The following ORC3 variants were observed in gnomAD, a reference collection of about 807,000 sequenced individuals.
ORC3 encodes homolog of latheo, Drosophila.
In ORC3, 78 loss-of-function variants were observed where a neutral mutation model predicts 100.7. The ratio of observed to expected loss-of-function variants is 0.77; its 90% CI spans 0.65 to 0.94. The LOEUF is 0.94. Ranked by LOEUF, ORC3 falls within the 40% of genes least tolerant of loss-of-function variation. The pLI is 0.00. For synonymous variants in ORC3, 295 were observed against 289.3 expected, an observed-to-expected ratio of 1.02 and a Z score of -0.20; for missense variants, 789 against 823.9, an observed-to-expected ratio of 0.96 and a Z score of 0.52.
chr6:87,655,426 A>C (rs1769603366), intron 14 of ORC3, among the ~76,000 whole-genome samples: 2 of 149,272 alleles, frequency 1.3e-5, no homozygotes, highest in African/African-American at 5.0e-5. Context: ...TGATAGGCTC[A>C]CTGCAGCCTA....
chr6:87,614,700 C>G (rs1242317140), intron 8 of ORC3, among the ~76,000 whole-genome samples: 1 of 152,164 alleles, frequency 6.6e-6, no homozygotes, highest in Non-Finnish European at 1.5e-5. Flanking sequence ...GGGGCAGGGG[C>G]AAAATGCCGC....
Position 87,610,934 on chromosome 6 carries a change from C to CTTTTTTT in ORC3, c.714-1141_714-1135dup, listed in dbSNP as rs67349945. Among the ~76,000 whole-genome samples the CTTTTTTT allele has an allele frequency of 9.3e-4, 99 of 106,806 alleles. 3 individuals carry two copies. The highest frequency in any genetic ancestry group is 3.3e-3 in the African/African-American group (91 of 27,356). 70.1% of individuals were successfully genotyped at this position (106,806 alleles called of 152,430 possible). On this transcript the variant is annotated intron_variant, in intron 7 of 19. Transcript: ENST00000392844. ...AAGAGTTCTATATATTAGGACTTTT[C>CTTTTTTT]TTTTTTTTTTTTTTTTTTTTGAGAC...
chr6:87,625,529 T>A (rs2128269189), intron 11 of ORC3, among the ~76,000 whole-genome samples: 1 of 152,346 alleles, frequency 6.6e-6, no homozygotes, highest in Admixed American at 6.5e-5. Context: ...CTTTGCCCAC[T>A]TTTTGATGGG....
At chr6:87,595,819 A>G (rs1425773166) in intron 2 of ORC3, among the ~76,000 whole-genome samples, 2 of 152,094 alleles carry the variant, frequency 1.3e-5, no homozygotes, top group Non-Finnish European at 2.9e-5. Context: ...GAGGAAAGAC[A>G]TTTCTTTTGG....
At chr6:87,602,932 TTA>T (rs1297751774) in intron 3 of ORC3, among the ~76,000 whole-genome samples, 8 of 129,728 alleles carry the variant, frequency 6.2e-5, no homozygotes, top group African/African-American at 2.0e-4. Flanking sequence ...ATATACACGT[TTA>T]TATATATATA....
the ORC3 span, among the ~76,000 whole-genome samples, chr6:87,674,735 A>G: frequency 2.0e-5 from 3 of 150,236 alleles, no homozygotes; most frequent in East Asian, 3.9e-4. Flanking sequence ...CGGCCTCCCA[A>G]AGTGCTGGGA....
intron 14 of ORC3, among the ~76,000 whole-genome samples, chr6:87,656,262 A>G (rs1769678006): frequency 6.6e-6 from 1 of 152,148 alleles, no homozygotes; most frequent in Non-Finnish European, 1.5e-5. Context: ...AGTTTTTATT[A>G]TTTTTTTAAA....
At position 87,645,478 on chromosome 6, in the gene ORC3, A is replaced by AT. The variant is rs959313290; in HGVS notation, c.1383-7631dup. Among the ~76,000 whole-genome samples, 87 of 152,180 alleles carry AT rather than the reference A, an allele frequency of 5.7e-4. 1 individual carries two copies. Among genetic ancestry groups the AT allele is most frequent in the African/African-American group, 1.9e-3 (80 of 41,514 alleles). The stretch of plus-strand genomic sequence containing the variant: ...ATTTCTTATTTTTACATGCTTCTTA[A>AT]TTTTTTTACATGCTTTTTATTATTT... On this transcript the variant is annotated intron_variant, in intron 13 of 19. Coordinates refer to ENST00000392844, the MANE Select transcript of ORC3 (RefSeq NM_012381.4).
At chr6:87,640,058 C>A (rs1291614041) in intron 13 of ORC3, among the ~76,000 whole-genome samples, 1 of 152,062 alleles carries the variant, frequency 6.6e-6, no homozygotes, top group African/African-American at 2.4e-5. Context: ...GAGGCGGATT[C>A]AAACCCCAGT....
chr6:87,665,974 G>C (rs1430552259), intron 19 of ORC3, 141 bp downstream of exon 19: 1 of 441,254 alleles, frequency 2.3e-6, no homozygotes. Flanking sequence ...TATGGTGCTA[G>C]AATAACTGAA....
At chr6:87,619,788 A>C (rs1779407019) in intron 9 of ORC3, among the ~76,000 whole-genome samples, 1 of 152,194 alleles carries the variant, frequency 6.6e-6, no homozygotes, top group Non-Finnish European at 1.5e-5. Context: ...GGCCAAGGTC[A>C]CACCACTAAC....
At position 87,667,205 on chromosome 6, in the gene ORC3, G is replaced by A. The variant is rs1045012822; in HGVS notation, c.*82G>A. 3 of 788,994 alleles carry A rather than the reference G, an allele frequency of 3.8e-6. No individual in the cohort carries two copies. The highest frequency in any genetic ancestry group is 2.8e-5 in the Admixed American group (1 of 36,314). The allele number at this position is 788,994 out of a possible 1,614,324, so 48.9% of individuals were successfully genotyped here. On this transcript the variant is annotated 3_prime_UTR_variant, in exon 20 of 20. Transcript: ENST00000392844. ...AGTCATATTTACATATATTAGAGGA[G>A]CCTGTTTTGTTGAGAAGATAAATGT...
At chr6:87,624,411 G>GA (rs535275178) in intron 11 of ORC3, among the ~76,000 whole-genome samples, 300 of 152,260 alleles carry the variant, frequency 2.0e-3, no homozygotes, top group African/African-American at 7.0e-3. Context: ...TTGAACCTGG[G>GA]AGGTGGAGGT....
intron 11 of ORC3, among the ~76,000 whole-genome samples, chr6:87,626,799 A>G (rs928446463): frequency 4.6e-5 from 7 of 152,140 alleles, no homozygotes; most frequent in Non-Finnish European, 7.4e-5. Context: ...AAAAAAAAAA[A>G]AAAAGTAGGA....
intron 13 of ORC3, among the ~76,000 whole-genome samples, chr6:87,642,385 G>A (rs1768337148): frequency 6.6e-6 from 1 of 152,112 alleles, no homozygotes; most frequent in South Asian, 2.1e-4. Context: ...GAGGTCAGGA[G>A]TTCGAGACCA....
the ORC3 span, among the ~76,000 whole-genome samples, chr6:87,674,643 T>TATA: frequency 2.9e-4 from 39 of 133,754 alleles, no homozygotes; most frequent in African/African-American, 8.9e-4. Context: ...TATATATATA[T>TATA]TTTTTTTTTT....
At chr6:87,596,665 T>C (rs1777469604) in intron 2 of ORC3, among the ~76,000 whole-genome samples, 1 of 152,120 alleles carries the variant, frequency 6.6e-6, no homozygotes, top group Admixed American at 6.5e-5. Flanking sequence ...CTCAATAAAA[T>C]TCAATTAATA....
intron 3 of ORC3, among the ~76,000 whole-genome samples, chr6:87,602,972 C>CACATATATTTTATATATATATATAT (rs1398124278): frequency 1.6e-5 from 1 of 62,876 alleles, no homozygotes; most frequent in African/African-American, 5.4e-5. Flanking sequence ...TATATATATA[C>CACATATATTTTATATATATATATAT]ATATATATAT....
In ORC3 at chr6:87,624,173, A is replaced by G. The variant is rs191715165; in HGVS notation, c.1185+2160A>G. On this transcript the variant is annotated intron_variant, in intron 11 of 19. Transcript: ENST00000392844. The stretch of plus-strand genomic sequence containing the variant: ...GCTACCTGCTGAAATCAAAAGACAG[A>G]AAGTGTCTAAGAAAAAATGAATGTT... Among the ~76,000 whole-genome samples, 256 of 152,004 alleles carry G rather than the reference A, an allele frequency of 1.7e-3. 2 individuals are homozygous for G. The highest frequency in any genetic ancestry group is 3.4e-3 in the Middle Eastern group (1 of 292).
Sources: allele counts gnomAD v4.1 joint callset (sites outside exome capture counted in the v4.1 genomes callset), GRCh38; gene constraint gnomAD v4.1.1; transcripts MANE v1.5; gene names NCBI Gene and HGNC (gene_info 2026-07-23, HGNC 2026-07-21).